LIMCH1: variants seen among roughly 807,000 people sequenced by gnomAD.
LIMCH1 encodes LIM and calponin homology domains-containing protein 1.
LIMCH1 carries 113 observed loss-of-function variants against 176.5 expected under a neutral mutation model. The ratio of observed to expected loss-of-function variants is 0.64; its 90% CI spans 0.55 to 0.75. The LOEUF (loss-of-function observed/expected upper bound fraction) is 0.75. Ranked by LOEUF, LIMCH1 falls within the 30% of genes least tolerant of loss-of-function variation. The pLI, the probability that LIMCH1 is intolerant of heterozygous loss-of-function variation, is 0.00. For synonymous variants in LIMCH1, 619 were observed against 645.9 expected (o/e 0.96, Z 0.63); for missense variants, 1,674 against 1,814.9 (o/e 0.92, Z 1.41).
chr4:41,665,590 C>T (rs2094794093), intron 20 of LIMCH1, among the ~76,000 whole-genome samples: 1 of 152,144 alleles, frequency 6.6e-6, no homozygotes, highest in South Asian at 2.1e-4. Context: ...TGTGGTCTCA[C>T]TCGCCCTGAG....
intron 5 of LIMCH1, 138 bp downstream of exon 5, chr4:41,613,799 G>T: frequency 1.4e-6 from 1 of 719,894 alleles, no homozygotes. Flanking sequence ...CTATAAACTG[G>T]CAGAAAAAAG....
At chr4:41,415,106 T>C (rs2059812492) in intron 1 of LIMCH1, among the ~76,000 whole-genome samples, 4 of 152,140 alleles carry the variant, frequency 2.6e-5, no homozygotes, top group Admixed American at 2.6e-4. Context: ...TTGTGAGTGC[T>C]CAATAATTAC....
intron 1 of LIMCH1, among the ~76,000 whole-genome samples, chr4:41,459,313 T>TC (rs964770098): frequency 5.9e-5 from 9 of 152,108 alleles, no homozygotes; most frequent in Non-Finnish European, 1.0e-4. Flanking sequence ...CTTCCTTCCT[T>TC]CTTTTTTGAC....
chr4:41,449,590 T>C (rs2063635936), intron 1 of LIMCH1, among the ~76,000 whole-genome samples: 1 of 152,204 alleles, frequency 6.6e-6, no homozygotes, highest in Non-Finnish European at 1.5e-5. Flanking sequence ...ATCTTTGCAC[T>C]TTCCCGCATG....
chr4:41,627,807 A>G (rs1358598494), intron 8 of LIMCH1, among the ~76,000 whole-genome samples: 1 of 152,200 alleles, frequency 6.6e-6, no homozygotes, highest in Non-Finnish European at 1.5e-5. Flanking sequence ...TTATATCAAA[A>G]TCAGCTAGAG....
At chr4:41,586,929 C>G (rs1005307181) in intron 1 of LIMCH1, among the ~76,000 whole-genome samples, 1 of 152,066 alleles carries the variant, frequency 6.6e-6, no homozygotes, top group African/African-American at 2.4e-5. Flanking sequence ...CCTAACTGTG[C>G]TATGAGGAAA....
chr4:41,622,537 C>T (rs1446848089), intron 7 of LIMCH1, among the ~76,000 whole-genome samples: 1 of 152,142 alleles, frequency 6.6e-6, no homozygotes, highest in Non-Finnish European at 1.5e-5. Context: ...CGGCATTAAG[C>T]TAATTCAGCA....
At chr4:41,397,132 A>G (rs2057886338) in intron 1 of LIMCH1, among the ~76,000 whole-genome samples, 2 of 152,110 alleles carry the variant, frequency 1.3e-5, no homozygotes, top group Non-Finnish European at 2.9e-5. Flanking sequence ...GCTAATGTTG[A>G]GGGAGCTTCT....
intron 1 of LIMCH1, among the ~76,000 whole-genome samples, chr4:41,455,648 A>T (rs542703653): frequency 6.6e-6 from 1 of 152,316 alleles, no homozygotes; most frequent in South Asian, 2.1e-4. Context: ...AAAACAAAAA[A>T]ACCCAAATAA....
intron 21 of LIMCH1, among the ~76,000 whole-genome samples, chr4:41,667,776 A>G (rs2094879090): frequency 6.6e-6 from 1 of 152,148 alleles, no homozygotes; most frequent in South Asian, 2.1e-4. Context: ...TCCACAACCC[A>G]GAGGGACTAT....
At chr4:41,595,360 G>T (rs1024911778) in intron 1 of LIMCH1, among the ~76,000 whole-genome samples, 7 of 151,990 alleles carry the variant, frequency 4.6e-5, no homozygotes, top group Non-Finnish European at 7.3e-5. Flanking sequence ...GGAGAGGCGG[G>T]AAAAGGAATT....
intron 3 of LIMCH1, among the ~76,000 whole-genome samples, chr4:41,525,602 T>A (rs1018656491): frequency 1.3e-5 from 2 of 152,202 alleles, no homozygotes; most frequent in African/African-American, 4.8e-5. Context: ...AGTGAGCTGG[T>A]GATTAGTCGT....
intron 2 of LIMCH1, among the ~76,000 whole-genome samples, chr4:41,505,376 G>A (rs1311834279): frequency 6.6e-6 from 1 of 152,218 alleles, no homozygotes; most frequent in African/African-American, 2.4e-5. Flanking sequence ...CAAGCCACGG[G>A]ATGAAGGCAT....
intron 2 of LIMCH1, among the ~76,000 whole-genome samples, chr4:41,511,634 A>G (rs1157954694): frequency 6.6e-6 from 1 of 152,224 alleles, no homozygotes; most frequent in Non-Finnish European, 1.5e-5. Context: ...GTGCTTGCAC[A>G]TGGCAGGCAT....
At chr4:41,666,341 C>T (rs78837158) in intron 20 of LIMCH1, among the ~76,000 whole-genome samples, 162 of 152,228 alleles carry the variant, frequency 1.1e-3, no homozygotes, top group African/African-American at 3.7e-3. Flanking sequence ...TACGTTTTTA[C>T]GCTCATGTTT....
At chr4:41,445,084 C>T (rs1295653207) in intron 1 of LIMCH1, among the ~76,000 whole-genome samples, 2 of 149,222 alleles carry the variant, frequency 1.3e-5, no homozygotes, top group South Asian at 2.1e-4. Context: ...TGGCTCACTG[C>T]AACCTCCACC....
At chr4:41,645,914 T>C (rs1295261271) in intron 15 of LIMCH1, among the ~76,000 whole-genome samples, 2 of 152,262 alleles carry the variant, frequency 1.3e-5, no homozygotes, top group Non-Finnish European at 2.9e-5. Context: ...CTGCTATGGA[T>C]ACTGTAGATA....
At chr4:41,620,802 A>G (rs1490542512) in intron 7 of LIMCH1, 112 bp downstream of exon 7, 28 of 1,223,950 alleles carry the variant, frequency 2.3e-5, no homozygotes, top group Non-Finnish European at 2.3e-5. Flanking sequence ...CGCTTTTCCT[A>G]TTGCATCACT....
intron 1 of LIMCH1, among the ~76,000 whole-genome samples, chr4:41,493,432 A>T (rs2154174909): frequency 6.6e-6 from 1 of 152,064 alleles, no homozygotes; most frequent in East Asian, 1.9e-4. Flanking sequence ...GGGTTCAACT[A>T]ACTGTGGACC....
Sources: gnomAD v4.1 joint callset for allele counts (sites outside exome capture counted in the v4.1 genomes callset) on GRCh38, gnomAD v4.1.1 for gene constraint, MANE v1.5 for transcripts, NCBI Gene and HGNC (gene_info 2026-07-23, HGNC 2026-07-21) for gene names.